The following PNPLA7 variants were observed in gnomAD, a reference collection of about 807,000 sequenced individuals.
The protein encoded by PNPLA7 is patatin-like phospholipase domain-containing protein 7.
Under a neutral mutation model 161.7 loss-of-function variants are expected in PNPLA7, and 153 were observed. The ratio of observed to expected loss-of-function variants is 0.95; its 90% CI spans 0.83 to 1.08. PNPLA7 has a LOEUF of 1.08. PNPLA7 is among the 50% of genes least tolerant of loss of function. PNPLA7 has a pLI of 0.00. For synonymous variants in PNPLA7, 809 were observed against 782.1 expected, an observed-to-expected ratio of 1.03 and a Z score of -0.57; for missense variants, 1,739 against 1,856.6, an observed-to-expected ratio of 0.94 and a Z score of 1.16.
chr9:137,523,508 G>GA lies in PNPLA7; in HGVS notation c.748-652dup, dbSNP rs1245049093. ...TCTAGAAATTGGTGGGCTCTAGAGA[G>GA]AAAAGGCTGTTTTTAAATCACGCTG... is the stretch of plus-strand genomic sequence containing the variant. On this transcript the variant is annotated intron_variant, in intron 8 of 34. Transcript: ENST00000406427. This position sits in a 1 kb window ranked among gnomAD's most constrained non-coding sequence, Gnocchi z 4.4. 6.6e-6 allele frequency among the ~76,000 whole-genome samples: 1 copy of GA among 152,216 alleles called. No homozygotes were observed. Among genetic ancestry groups the GA allele is most frequent in the Non-Finnish European group, 1.5e-5 (1 of 68,038 alleles).
chr9:137,477,062 C>A (rs762862003), intron 25 of PNPLA7, among the ~76,000 whole-genome samples: 2 of 152,220 alleles, frequency 1.3e-5, no homozygotes, highest in East Asian at 3.9e-4. Flanking sequence ...CCGGAGAGGC[C>A]CCACCCCAGA....
At chr9:137,472,000 A>G (rs1831728771) in intron 25 of PNPLA7, among the ~76,000 whole-genome samples, 1 of 152,096 alleles carries the variant, frequency 6.6e-6, no homozygotes, top group South Asian at 2.1e-4. Context: ...AAGGCAGTGT[A>G]GTATTGTCAC....
chr9:137,505,463 A>G (rs542495203), intron 14 of PNPLA7, 151 bp downstream of exon 14: 72 of 869,332 alleles, frequency 8.3e-5, no homozygotes, highest in Non-Finnish European at 8.6e-5. Flanking sequence ...CCCAAAGGGG[A>G]CCCCAAAAGA....
chr9:137,502,780 G>T (rs370173402), intron 14 of PNPLA7, among the ~76,000 whole-genome samples: 1 of 148,920 alleles, frequency 6.7e-6, no homozygotes, highest in African/African-American at 2.5e-5. Flanking sequence ...GGACGAGGCC[G>T]CTGGACAGGG....
At chr9:137,521,950 T>A (rs907148546) in intron 9 of PNPLA7, among the ~76,000 whole-genome samples, 1 of 152,238 alleles carries the variant, frequency 6.6e-6, no homozygotes, top group African/African-American at 2.4e-5. Context: ...TTTTGCAAGT[T>A]TTCTATAAAT....
chr9:137,492,284 A>T (rs965049690), intron 20 of PNPLA7: 1 of 985,268 alleles, frequency 1.0e-6, no homozygotes, highest in Non-Finnish European at 1.2e-6. Flanking sequence ...CGCTCCACCA[A>T]TACCGTTTCC....
At chr9:137,461,330 A>C (rs1174801690) in intron 33 of PNPLA7, 1 of 524,474 alleles carries the variant, frequency 1.9e-6, no homozygotes, top group Non-Finnish European at 3.4e-6. Context: ...GGGCTGGGTG[A>C]CCCGGGGTGG....
chr9:137,501,831 C>A, intron 14 of PNPLA7, 104 bp from the exon 15 acceptor site: 2 of 1,210,188 alleles, frequency 1.7e-6, no homozygotes, highest in Non-Finnish European at 2.4e-6. Context: ...GCGGTGAGGC[C>A]AGAGGCCGGG....
intron 22 of PNPLA7, 153 bp downstream of exon 22, chr9:137,480,807 A>C: frequency 1.1e-6 from 1 of 907,944 alleles, no homozygotes; most frequent in Non-Finnish European, 1.7e-6. Flanking sequence ...CAGTGTGTCC[A>C]GTGAAGGGAG....
chr9:137,461,928 C>T lies in PNPLA7; in HGVS notation c.3756+3G>A. The T allele has an allele frequency of 3.8e-6, 6 of 1,563,052 alleles. No individual in the cohort carries two copies. The highest frequency in any genetic ancestry group is 1.2e-5 in the South Asian group (1 of 85,046). On this transcript the variant is annotated splice_donor_region_variant and intron_variant, in intron 32 of 34. Transcript: ENST00000406427. ...TGGGCGTGGTCCGGACGCCCGTACTCACCGCACTCGCGGGCTTCTTGCTCG... is the reference window on the plus strand; with the variant it reads ...TGGGCGTGGTCCGGACGCCCGTACTTACCGCACTCGCGGGCTTCTTGCTCG...
At position 137,462,228 on chromosome 9, in the gene PNPLA7, G is replaced by T. The variant is rs140939884; in HGVS notation, c.3596C>A (p.Pro1199His). ...SSDYCEYLRP[P>H]IDSYSTLDFG... The stretch of plus-strand genomic sequence containing the variant: ...GTCCAGGGTGCTGTAGCTGTCGATG[G>T]GGGGGCGCAGGTACTCGCAGTAGTC... The change falls in exon 31 of 35, where the codon CCC (proline) becomes CAC (histidine). Residue 1199 changes from proline (P) to histidine (H), a missense_variant. Pro to His is a moderately conservative substitution (Grantham distance 77, BLOSUM62 -2). Around this residue, in one of 6 missense-constraint regions of PNPLA7, gnomAD observed 703 missense variants for 694.6 expected, o/e 1.01. Transcript: ENST00000406427. The T allele has an allele frequency of 6.2e-7, 1 of 1,606,234 alleles. No homozygotes were observed. The highest frequency in any genetic ancestry group is 1.1e-5 in the South Asian group (1 of 90,316).
At chr9:137,544,826 T>C (rs1343475114) in intron 4 of PNPLA7, among the ~76,000 whole-genome samples, 1 of 152,096 alleles carries the variant, frequency 6.6e-6, no homozygotes, top group Non-Finnish European at 1.5e-5. Flanking sequence ...ATTTTTGTAT[T>C]TTTAGTAGAG....
intron 8 of PNPLA7, among the ~76,000 whole-genome samples, chr9:137,527,801 AG>A (rs1416940483): frequency 1.3e-5 from 2 of 152,192 alleles, no homozygotes; most frequent in African/African-American, 4.8e-5. Context: ...ACTTTTCCGG[AG>A]AAGTTTGTAT....
chr9:137,460,836 C>A, intron 33 of PNPLA7, 99 bp from the exon 34 acceptor site: 1 of 1,157,464 alleles, frequency 8.6e-7, no homozygotes, highest in Non-Finnish European at 1.2e-6. Context: ...GATGCCCACC[C>A]CCGCCTCCAA....
chr9:137,510,611 G>A (rs1834171678), intron 12 of PNPLA7, among the ~76,000 whole-genome samples: 1 of 152,212 alleles, frequency 6.6e-6, no homozygotes, highest in Non-Finnish European at 1.5e-5. Flanking sequence ...AGTGCAGCCA[G>A]ACATTCGGGG....
At chr9:137,466,805 G>C (rs1216429413) in intron 26 of PNPLA7, among the ~76,000 whole-genome samples, 1 of 138,266 alleles carries the variant, frequency 7.2e-6, no homozygotes, top group East Asian at 2.3e-4. Context: ...ACTCAGACCC[G>C]GGCACGGATC....
At chr9:137,532,928 G>T (rs905918862) in intron 8 of PNPLA7, among the ~76,000 whole-genome samples, 5 of 152,158 alleles carry the variant, frequency 3.3e-5, no homozygotes, top group African/African-American at 1.2e-4. Flanking sequence ...CTCAGTGAGT[G>T]TCCACTCCAG....
At chr9:137,504,819 G>A (rs965678343) in intron 14 of PNPLA7, among the ~76,000 whole-genome samples, 1 of 152,166 alleles carries the variant, frequency 6.6e-6, no homozygotes, top group Non-Finnish European at 1.5e-5. Flanking sequence ...GATTAGCCAT[G>A]ATTGGTAATT....
intron 18 of PNPLA7, among the ~76,000 whole-genome samples, chr9:137,496,835 C>G (rs943801182): frequency 1.9e-4 from 29 of 152,250 alleles, no homozygotes; most frequent in African/African-American, 6.5e-4. Flanking sequence ...GAGACCCAGA[C>G]CAGCTGTAGT....
Sources: gnomAD v4.1 joint callset for allele counts (sites outside exome capture counted in the v4.1 genomes callset) on GRCh38, gnomAD v4.1.1 for gene constraint, gnomAD v4.1.1 regional missense constraint, Gnocchi (gnomAD v3.1) non-coding constraint, MANE v1.5 for transcripts, NCBI Gene and HGNC (gene_info 2026-07-23, HGNC 2026-07-21) for gene names.